ARSB: variants seen among roughly 807,000 people sequenced by gnomAD.
The protein encoded by ARSB is N-acetylgalactosamine-4-sulfatase.
A neutral mutation model predicts 50.9 loss-of-function variants in ARSB; 41 were observed. The ratio of observed to expected loss-of-function variants is 0.81; its 90% CI spans 0.63 to 1.04. The LOEUF (loss-of-function observed/expected upper bound fraction) is 1.04, where lower values mean the gene tolerates loss of function less well. Ranked by LOEUF, ARSB falls within the 50% of genes least tolerant of loss-of-function variation. ARSB has a pLI of 0.00. For missense variants in ARSB, 672 were observed against 693.3 expected, an observed-to-expected ratio of 0.97 and a Z score of 0.35; for synonymous variants, 269 against 284.8, an observed-to-expected ratio of 0.94 and a Z score of 0.56.
At chr5:78,795,405 G>C (rs928960140) in intron 6 of ARSB, among the ~76,000 whole-genome samples, 2 of 152,300 alleles carry the variant, frequency 1.3e-5, no homozygotes, top group South Asian at 4.1e-4. Context: ...CAGCTTTGGG[G>C]AGGAGGGGGC....
rs1748818132 is a variant in ARSB, at chr5:78,777,935, T to C, written c.*2462A>G. On this transcript the variant is annotated 3_prime_UTR_variant, in exon 8 of 8. Coordinates refer to ENST00000264914, the MANE Select transcript of ARSB (RefSeq NM_000046.5). ...AATCTTTTCACATTCTTATATAGAA[T>C]CAGAGAATCTAATGAAATACATTCT... 6.6e-6 allele frequency: 1 copy of C among 151,834 alleles called. No individual in the cohort carries two copies. Among genetic ancestry groups the C allele is most frequent in the African/African-American group, 2.4e-5 (1 of 41,336 alleles). The allele number at this position is 151,834 out of a possible 1,614,324, so 9.4% of individuals were successfully genotyped here. A position where few individuals can be genotyped will look rare whatever the true frequency, so the allele number is the denominator to read the frequency against.
At chr5:78,898,566 A>T (rs1281713829) in intron 4 of ARSB, among the ~76,000 whole-genome samples, 1 of 152,226 alleles carries the variant, frequency 6.6e-6, no homozygotes, top group Non-Finnish European at 1.5e-5. Context: ...TTAGTTTTCT[A>T]TTACCACACA....
chr5:78,853,447 G>A (rs1252264675), intron 5 of ARSB, among the ~76,000 whole-genome samples: 2 of 152,206 alleles, frequency 1.3e-5, no homozygotes, highest in African/African-American at 4.8e-5. Flanking sequence ...CCGGCCGTGT[G>A]AGGTGTCAGT....
chr5:78,876,194 A>G (rs570172963), intron 5 of ARSB, among the ~76,000 whole-genome samples: 1 of 152,214 alleles, frequency 6.6e-6, no homozygotes, highest in South Asian at 2.1e-4. Context: ...ATGTGATTAC[A>G]AAGTAGAATG....
At chr5:78,886,965 C>T (rs1174257662) in intron 4 of ARSB, among the ~76,000 whole-genome samples, 2 of 152,188 alleles carry the variant, frequency 1.3e-5, no homozygotes, top group Non-Finnish European at 2.9e-5. Flanking sequence ...TTTGCATTAT[C>T]TCTCACAGAA....
At chr5:78,807,129 T>G (rs1178544670) in intron 6 of ARSB, among the ~76,000 whole-genome samples, 2 of 151,990 alleles carry the variant, frequency 1.3e-5, no homozygotes, top group Non-Finnish European at 2.9e-5. Flanking sequence ...GTGGTAGAAA[T>G]AAGGCCAAGA....
intron 6 of ARSB, among the ~76,000 whole-genome samples, chr5:78,803,407 A>G (rs1461035784): frequency 1.3e-5 from 2 of 152,224 alleles, no homozygotes; most frequent in Non-Finnish European, 2.9e-5. Flanking sequence ...ATGTGCTACT[A>G]AAAAGTGATT....
chr5:78,932,561 C>T (rs1051716915), intron 4 of ARSB, among the ~76,000 whole-genome samples: 6 of 152,210 alleles, frequency 3.9e-5, no homozygotes, highest in African/African-American at 1.4e-4. Flanking sequence ...GGATCACAGC[C>T]TACTGACACA....
chr5:78,974,831 C>T (rs1370663962), intron 1 of ARSB, among the ~76,000 whole-genome samples: 1 of 152,216 alleles, frequency 6.6e-6, no homozygotes, highest in African/African-American at 2.4e-5. Context: ...AGGAAGGACA[C>T]CTGGCTTTAG....
Position 78,777,216 on chromosome 5 carries a change from A to T in ARSB, c.*3181T>A, listed in dbSNP as rs11750774. On this transcript the variant is annotated 3_prime_UTR_variant, in exon 8 of 8. Coordinates refer to ENST00000264914, the MANE Select transcript of ARSB (RefSeq NM_000046.5). ...TAGGGCAATGATTGACACTTTTTTT[A>T]GTTCTAAAATTTTTACTATATTTAT... 6.6e-6 allele frequency: 1 copy of T among 151,996 alleles called. No homozygotes were observed. The highest frequency in any genetic ancestry group is 2.1e-4 in the South Asian group (1 of 4,818). 9.4% of individuals were successfully genotyped at this position (151,996 alleles called of 1,614,324 possible). A position where few individuals can be genotyped will look rare whatever the true frequency, so the allele number is the denominator to read the frequency against.
At chr5:78,919,742 C>T (rs1414215306) in intron 4 of ARSB, among the ~76,000 whole-genome samples, 1 of 152,140 alleles carries the variant, frequency 6.6e-6, no homozygotes, top group Non-Finnish European at 1.5e-5. Flanking sequence ...CTGCCCGCCT[C>T]GGCCTCCCAA....
At chr5:78,785,694 G>C (rs1386169933) in intron 6 of ARSB, among the ~76,000 whole-genome samples, 1 of 152,178 alleles carries the variant, frequency 6.6e-6, no homozygotes, top group Non-Finnish European at 1.5e-5. Context: ...GCAGGATAAT[G>C]GTTCCTCAAA....
intron 4 of ARSB, among the ~76,000 whole-genome samples, chr5:78,893,686 T>C (rs1748436249): frequency 6.6e-6 from 1 of 152,216 alleles, no homozygotes; most frequent in African/African-American, 2.4e-5. Flanking sequence ...TATTCACAGA[T>C]CTTGGAGATC....
intron 3 of ARSB, among the ~76,000 whole-genome samples, chr5:78,961,837 G>A (rs986601975): frequency 6.6e-6 from 1 of 151,966 alleles, no homozygotes; most frequent in Admixed American, 6.6e-5. Context: ...TGCACCAGGT[G>A]TCAGTGATGA....
At chr5:78,882,664 A>T (rs1189155409) in intron 5 of ARSB, among the ~76,000 whole-genome samples, 1 of 152,260 alleles carries the variant, frequency 6.6e-6, no homozygotes, top group East Asian at 1.9e-4. Context: ...TCAAAAACCA[A>T]TGGTCTGTTA....
intron 4 of ARSB, among the ~76,000 whole-genome samples, chr5:78,897,075 G>A (rs1024634942): frequency 6.6e-6 from 1 of 151,928 alleles, no homozygotes; most frequent in African/African-American, 2.4e-5. Context: ...AGAGAGCAGG[G>A]ATAAATGCTA....
chr5:78,807,042 G>T (rs900555007), intron 6 of ARSB, among the ~76,000 whole-genome samples: 2 of 152,216 alleles, frequency 1.3e-5, no homozygotes, highest in Admixed American at 1.3e-4. Flanking sequence ...GTGGGAAATG[G>T]CTGAGGACAA....
chr5:78,916,265 GC>G (rs1363645158), intron 4 of ARSB, among the ~76,000 whole-genome samples: 2 of 152,190 alleles, frequency 1.3e-5, no homozygotes, highest in Non-Finnish European at 2.9e-5. Context: ...CAAAGCTGTG[GC>G]CAGGTGCCCT....
At chr5:78,843,308 T>C (rs148038944) in intron 5 of ARSB, among the ~76,000 whole-genome samples, 308 of 152,324 alleles carry the variant, frequency 2.0e-3, no homozygotes, top group African/African-American at 7.1e-3. Flanking sequence ...TGAGGTATCA[T>C]GGTTTGAGGA....
Sources: allele counts gnomAD v4.1 joint callset (sites outside exome capture counted in the v4.1 genomes callset), GRCh38; gene constraint gnomAD v4.1.1; transcripts MANE v1.5; gene names NCBI Gene and HGNC (gene_info 2026-07-23, HGNC 2026-07-21).